The following PLAGL1 variants were observed in gnomAD, a reference collection of about 807,000 sequenced individuals.
The protein encoded by PLAGL1 is zinc finger protein PLAGL1.
PLAGL1 carries 1 observed loss-of-function variant against 4.6 expected under a neutral mutation model. The ratio of observed to expected loss-of-function variants is 0.22; its 90% CI spans 0.08 to 1.03. The LOEUF is 1.03. Among genes scored for constraint, PLAGL1 ranks in the 50% least tolerant of loss-of-function variants. The pLI, the probability that PLAGL1 is intolerant of heterozygous loss-of-function variation, is 0.58. For synonymous variants in PLAGL1, 240 were observed against 237.8 expected (o/e 1.01, Z -0.08); for missense variants, 464 against 570.4 (o/e 0.81, Z 1.90).
chr6:144,045,000 C>CTT lies in PLAGL1; in HGVS notation c.-151+19466_-151+19467dup, dbSNP rs138373370. 6.8e-3 allele frequency among the ~76,000 whole-genome samples: 322 copies of CTT among 47,332 alleles called. 22 individuals carry two copies. The highest frequency in any genetic ancestry group is 0.023 in the African/African-American group (264 of 11,518). 31.1% of individuals were successfully genotyped at this position (47,332 alleles called of 152,430 possible). ...TCAGAGACTAGGATTGCAACCCCTG[C>CTT]TTTTTTTTTTTTTTTTTTGGCTTTC... On this transcript the variant is annotated intron_variant, in intron 1 of 3. Coordinates refer to the PLAGL1 transcript ENST00000437412.
chr6:143,991,764 T>C (rs1315731135), intron 1 of PLAGL1, among the ~76,000 whole-genome samples: 1 of 152,256 alleles, frequency 6.6e-6, no homozygotes, highest in Non-Finnish European at 1.5e-5. Context: ...TCAAGCCTGC[T>C]AACCAGGAAC....
At position 143,994,604 on chromosome 6, in the gene PLAGL1, A is replaced by G. The variant is rs1287580414; in HGVS notation, c.-583-9430T>C. Reference sequence around the variant, plus strand: ...TATTATTCGCAAAAAAATGTATGGAAGATGATGAGAGACAGCAGTGTGACC... The same window carrying G: ...TATTATTCGCAAAAAAATGTATGGAGGATGATGAGAGACAGCAGTGTGACC... On this transcript the variant is annotated intron_variant, in intron 1 of 7. Transcript: ENST00000674357. This position sits in a 1 kb window ranked among gnomAD's most constrained non-coding sequence, Gnocchi z 4.3. Among the ~76,000 whole-genome samples the G allele has an allele frequency of 6.6e-6, 1 of 152,226 alleles. No individual in the cohort carries two copies. Among genetic ancestry groups the G allele is most frequent in the East Asian group, 1.9e-4 (1 of 5,202 alleles).
Position 143,942,023 on chromosome 6 carries a change from G to C in PLAGL1, c.793C>G (p.Leu265Val). 6.3e-7 allele frequency: 1 copy of C among 1,599,516 alleles called. No individual in the cohort carries two copies. The highest frequency in any genetic ancestry group is 1.7e-5 in the Admixed American group (1 of 58,958). Residue 265 changes from leucine (L) to valine (V), a missense_variant, in exon 8 of 8, where the codon CTC (leucine) becomes GTC (valine). Around this residue, in one of 4 missense-constraint regions of PLAGL1, gnomAD observed 248 missense variants for 250.1 expected, o/e 0.99. Coordinates refer to ENST00000674357, the MANE Select transcript of PLAGL1 (RefSeq NM_001317162.2). This position sits in a 1 kb window ranked among gnomAD's most constrained non-coding sequence, Gnocchi z 7.6. ...TGGGCGGCTTGTTCTGGGGGACTGAGGGTGAGGCTATGGACCTCAGCTGGC... is the reference window on the plus strand; with the variant it reads ...TGGGCGGCTTGTTCTGGGGGACTGACGGTGAGGCTATGGACCTCAGCTGGC... ...SLPAEVHSLTLSPPEQAAQPM... is the reference protein window; with the variant it reads ...SLPAEVHSLTVSPPEQAAQPM...
At chr6:144,051,310 A>G (rs531233457) in intron 1 of PLAGL1, among the ~76,000 whole-genome samples, 1 of 152,360 alleles carries the variant, frequency 6.6e-6, no homozygotes, top group African/African-American at 2.4e-5. Flanking sequence ...AAAAAGATCC[A>G]TTCAGGCATA....
At position 143,947,397 on chromosome 6, in the gene PLAGL1, AATC is replaced by A. The variant is rs1444956844; in HGVS notation, c.152+585_152+587del. On this transcript the variant is annotated intron_variant, in intron 7 of 7. Coordinates refer to ENST00000674357, the MANE Select transcript of PLAGL1 (RefSeq NM_001317162.2). This position sits in a 1 kb window ranked among gnomAD's most constrained non-coding sequence, Gnocchi z 4.3. ...AGTCCTCTTTCTAGGATACTAAACGAATCATATTTCTTCACTACTTATACACCT... is the reference window on the plus strand; with the variant it reads ...AGTCCTCTTTCTAGGATACTAAACGAATATTTCTTCACTACTTATACACCT... Among the ~76,000 whole-genome samples, 1 of 152,208 alleles carries A rather than the reference AATC, an allele frequency of 6.6e-6. No homozygotes were observed. Among genetic ancestry groups the A allele is most frequent in the African/African-American group, 2.4e-5 (1 of 41,446 alleles).
Position 143,942,793 on chromosome 6 carries a change from T to G in PLAGL1, c.153-130A>C, listed in dbSNP as rs2128505420. On this transcript the variant is annotated intron_variant, in intron 7 of 7. Transcript: ENST00000674357. This position sits in a 1 kb window ranked among gnomAD's most constrained non-coding sequence, Gnocchi z 7.6. ...TGGTATAATTTTCAAAATTCTTTCA[T>G]ATATTTTCCAAATATATAAACTTTT... The G allele has an allele frequency of 4.7e-6, 3 of 640,460 alleles. No homozygotes were observed. Among genetic ancestry groups the G allele is most frequent in the Non-Finnish European group, 7.7e-6 (3 of 392,128 alleles). The allele number at this position is 640,460 out of a possible 1,614,324, so 39.7% of individuals were successfully genotyped here.
At chr6:144,046,855 G>A (rs1411987582) in intron 1 of PLAGL1, among the ~76,000 whole-genome samples, 1 of 152,214 alleles carries the variant, frequency 6.6e-6, no homozygotes, top group African/African-American at 2.4e-5. Flanking sequence ...GCTCCACCCA[G>A]TTCTAGCTTC....
chr6:144,046,174 G>T (rs1186673747), intron 1 of PLAGL1, among the ~76,000 whole-genome samples: 1 of 152,150 alleles, frequency 6.6e-6, no homozygotes, highest in Non-Finnish European at 1.5e-5. Context: ...ATCTTCTGAA[G>T]CCTACTTCTG....
Position 144,025,423 on chromosome 6 carries a change from TTAATAA to T in PLAGL1, c.-151+39039_-151+39044del, listed in dbSNP as rs544073444. Reference sequence around the variant, plus strand: ...AATCCATCCAAAGTATGAGGTTTACTTAATAATAATATGTATCACTATTGGTTCATT... The same window carrying T: ...AATCCATCCAAAGTATGAGGTTTACTTAATATGTATCACTATTGGTTCATT... On this transcript the variant is annotated intron_variant, in intron 1 of 3. Coordinates refer to the PLAGL1 transcript ENST00000437412. Among the ~76,000 whole-genome samples, 42 of 152,304 alleles carry T rather than the reference TTAATAA, an allele frequency of 2.8e-4. 1 individual carries two copies. The South Asian group carries it at 7.1e-3, about 26-fold the overall frequency.
chr6:144,013,375 A>T (rs1282869197), upstream of PLAGL1, among the ~76,000 whole-genome samples: 23 of 152,140 alleles, frequency 1.5e-4, no homozygotes. This position sits in a 1 kb window ranked among gnomAD's most constrained non-coding sequence, Gnocchi z 4.4. Context: ...GGAAAATGTT[A>T]TTTTCAATTG....
Position 144,043,886 on chromosome 6 carries a change from T to A in PLAGL1, c.-151+20582A>T, listed in dbSNP as rs573477663. 5.3e-5 allele frequency among the ~76,000 whole-genome samples: 8 copies of A among 152,358 alleles called. No homozygotes were observed. In the South Asian group the frequency reaches 1.7e-3, roughly 32 times the overall value. On this transcript the variant is annotated intron_variant, in intron 1 of 3. Transcript: ENST00000437412. ...TATTGGTCTATTCAGGGATTCAACT[T>A]CTTCCTGGTTTAGCCTTGGCAGGGT...
chr6:143,971,470 G>T lies in PLAGL1; in HGVS notation c.-543-2492C>A, dbSNP rs1262988738. On this transcript the variant is annotated intron_variant, in intron 2 of 7. Transcript: ENST00000674357. The surrounding 1 kb of genome is among the most constrained non-coding windows in gnomAD (Gnocchi z 4.7). ...AACACTTTCTAAAAATTTCCATTAT[G>T]ATTTTAAGATGTTATTTTCCCAATA... 1.3e-5 allele frequency among the ~76,000 whole-genome samples: 2 copies of T among 152,182 alleles called. No individual in the cohort carries two copies. The highest frequency in any genetic ancestry group is 2.9e-5 in the Non-Finnish European group (2 of 68,044).
rs931025199 is a variant in PLAGL1 at position 144,004,267 on chromosome 6, G to A, written c.-584+3823C>T. ...CATGATCGTAGTTCACTGTAAGCTC[G>A]AACTCCTGAGCTCAAGAGATTCTCC... On this transcript the variant is annotated intron_variant, in intron 1 of 7. Coordinates refer to ENST00000674357, the MANE Select transcript of PLAGL1 (RefSeq NM_001317162.2). The surrounding 1 kb of genome is among the most constrained non-coding windows in gnomAD (Gnocchi z 4.2). 1.2e-4 allele frequency among the ~76,000 whole-genome samples: 18 copies of A among 151,636 alleles called. No individual in the cohort carries two copies. The highest frequency in any genetic ancestry group is 7.8e-4 in the East Asian group (4 of 5,158).
chr6:144,001,834 A>T (rs1562541885), intron 1 of PLAGL1, among the ~76,000 whole-genome samples: 1 of 152,182 alleles, frequency 6.6e-6, no homozygotes, highest in Non-Finnish European at 1.5e-5. Context: ...GTGAGAAAAC[A>T]TCAGATAAAT....
upstream of PLAGL1, among the ~76,000 whole-genome samples, chr6:144,010,305 A>G (rs550009534): frequency 2.0e-5 from 3 of 152,334 alleles, no homozygotes; most frequent in Admixed American, 2.0e-4. The surrounding 1 kb of genome is among the most constrained non-coding windows in gnomAD (Gnocchi z 4.1). Context: ...CTATACCCCA[A>G]TAGTAGACAA....
chr6:144,007,399 A>T (rs533903323), intron 1 of PLAGL1: 180 of 152,300 alleles, frequency 1.2e-3, no homozygotes, highest in African/African-American at 4.0e-3. Context: ...GGATTCCTGG[A>T]AGAAGGAGGA....
intron 1 of PLAGL1, 121 bp downstream of exon 1, chr6:144,007,969 G>A (rs996883983): frequency 1.3e-5 from 2 of 151,936 alleles, no homozygotes; most frequent in Non-Finnish European, 2.9e-5. Flanking sequence ...CACGTAGGCG[G>A]CGCGGCAAAG....
Position 143,963,004 on chromosome 6 carries a change from G to A in PLAGL1, c.-399+1783C>T, listed in dbSNP as rs1466722597. Among the ~76,000 whole-genome samples, 1 of 152,180 alleles carries A rather than the reference G, an allele frequency of 6.6e-6. No homozygotes were observed. The highest frequency in any genetic ancestry group is 2.4e-5 in the African/African-American group (1 of 41,430). ...CAACTAAATCTTATTTCAGCAAGAT[G>A]GATCATGGTGAACAATGAGATTATT... On this transcript the variant is annotated intron_variant, in intron 5 of 7. Transcript: ENST00000674357. The surrounding 1 kb of genome is among the most constrained non-coding windows in gnomAD (Gnocchi z 6.1).
In PLAGL1 at chr6:144,036,605, G is replaced by T. The variant is rs1029866786; in HGVS notation, c.-151+27863C>A. 1 of 188,770 alleles carries T rather than the reference G, an allele frequency of 5.3e-6. No homozygotes were observed. The highest frequency in any genetic ancestry group is 2.4e-5 in the African/African-American group (1 of 41,756). The allele number at this position is 188,770 out of a possible 1,614,324, so 11.7% of individuals were successfully genotyped here. A position where few individuals can be genotyped will look rare whatever the true frequency, so the allele number is the denominator to read the frequency against. On this transcript the variant is annotated intron_variant, in intron 1 of 3. Transcript: ENST00000437412. The surrounding 1 kb of genome is among the most constrained non-coding windows in gnomAD (Gnocchi z 5.1). ...GAAAGAGCGTGGTAGACATCTAGGG[G>T]CCAACTCTAGGAACATGTGTTTCTT...
Sources: allele counts gnomAD v4.1 joint callset (sites outside exome capture counted in the v4.1 genomes callset), GRCh38; gene constraint gnomAD v4.1.1; regional missense constraint gnomAD v4.1.1; non-coding constraint Gnocchi (gnomAD v3.1); transcripts MANE v1.5; gene names NCBI Gene and HGNC (gene_info 2026-07-23, HGNC 2026-07-21).